Variants in PCDHGA10 observed in about 807,000 individuals in gnomAD.
PCDHGA10 encodes the protein protocadherin gamma-A10.
PCDHGA10 carries 42 observed loss-of-function variants against 59.5 expected under a neutral mutation model. The observed-to-expected ratio is 0.71, with a 90% CI of 0.55 to 0.91. The LOEUF (loss-of-function observed/expected upper bound fraction) is 0.91. Among genes scored for constraint, PCDHGA10 ranks in the 40% least tolerant of loss-of-function variants. PCDHGA10 has a pLI of 0.00. For synonymous variants in PCDHGA10, 511 were observed against 517.2 expected, an observed-to-expected ratio of 0.99 and a Z score of 0.16; for missense variants, 1,111 against 1,198.2, an observed-to-expected ratio of 0.93 and a Z score of 1.07.
intron 1 of PCDHGA10, among the ~76,000 whole-genome samples, chr5:141,444,942 A>C (rs1272061494): frequency 6.6e-6 from 1 of 152,082 alleles, no homozygotes; most frequent in Non-Finnish European, 1.5e-5. Flanking sequence ...AGGAGGGAGG[A>C]GGATCATCTT....
chr5:141,438,368 G>A (rs1216571092), intron 1 of PCDHGA10, among the ~76,000 whole-genome samples: 2 of 151,558 alleles, frequency 1.3e-5, no homozygotes, highest in African/African-American at 4.8e-5. Context: ...GTCATTGAGG[G>A]CAGATATAAT....
intron 1 of PCDHGA10, chr5:141,478,437 A>G (rs2099455876): frequency 6.2e-7 from 1 of 1,613,758 alleles, no homozygotes; most frequent in African/African-American, 1.3e-5. Flanking sequence ...CCGCTGCTGA[A>G]GAAACCTGGT....
chr5:141,489,470 T>C lies in PCDHGA10; in HGVS notation c.2437-5337T>C, dbSNP rs1030378524. 1 of 1,613,874 alleles carries C rather than the reference T, an allele frequency of 6.2e-7. No homozygotes were observed. The highest frequency in any genetic ancestry group is 8.5e-7 in the Non-Finnish European group (1 of 1,179,838). ...GAGGAGAATGGGCGCTATTTTTCCCTGAGCTTGATGAGTGGTGCCCTGGCA... is the reference window on the plus strand; with the variant it reads ...GAGGAGAATGGGCGCTATTTTTCCCCGAGCTTGATGAGTGGTGCCCTGGCA... On this transcript the variant is annotated intron_variant, in intron 1 of 3. Transcript: ENST00000398610. This position sits in a 1 kb window ranked among gnomAD's most constrained non-coding sequence, Gnocchi z 4.5.
chr5:141,495,900 G>A (rs1403705200), intron 2 of PCDHGA10, among the ~76,000 whole-genome samples: 2 of 151,894 alleles, frequency 1.3e-5, no homozygotes, highest in East Asian at 1.9e-4. Context: ...CTTTGTCTCT[G>A]TCTCTGTATA....
intron 1 of PCDHGA10, among the ~76,000 whole-genome samples, chr5:141,492,711 C>T (rs927567393): frequency 4.6e-5 from 7 of 152,254 alleles, no homozygotes; most frequent in East Asian, 3.8e-4. Flanking sequence ...AAGCCTCGAG[C>T]AGGCGGACAG....
chr5:141,477,080 A>C lies in PCDHGA10; in HGVS notation c.2437-17727A>C. 1 of 1,614,254 alleles carries C rather than the reference A, an allele frequency of 6.2e-7. No homozygotes were observed. ...GGACACCAAACTCCATGAGATTTAC[A>C]TCCAGGCCAAAGACAAGGGCGCCAA... On this transcript the variant is annotated intron_variant, in intron 1 of 3. Coordinates refer to ENST00000398610, the MANE Select transcript of PCDHGA10 (RefSeq NM_018913.3). This position sits in a 1 kb window ranked among gnomAD's most constrained non-coding sequence, Gnocchi z 4.9.
Position 141,486,657 on chromosome 5 carries a change from T to C in PCDHGA10, c.2437-8150T>C. Reference sequence around the variant, plus strand: ...AATGCGCTTATCTCCTACTCACTCCTGGAGCCCAGGAATCGAGATGTATCA... The same window carrying C: ...AATGCGCTTATCTCCTACTCACTCCCGGAGCCCAGGAATCGAGATGTATCA... On this transcript the variant is annotated intron_variant, in intron 1 of 3. Transcript: ENST00000398610. The surrounding 1 kb of genome is among the most constrained non-coding windows in gnomAD (Gnocchi z 5.0). The C allele has an allele frequency of 6.2e-7, 1 of 1,614,010 alleles. No individual in the cohort carries two copies. Among genetic ancestry groups the C allele is most frequent in the Non-Finnish European group, 8.5e-7 (1 of 1,180,030 alleles).
intron 2 of PCDHGA10, among the ~76,000 whole-genome samples, chr5:141,501,102 C>G (rs951290710): frequency 2.0e-5 from 3 of 152,014 alleles, no homozygotes; most frequent in African/African-American, 4.8e-5. Flanking sequence ...CTCTTGACCT[C>G]GTGATCCGCC....
At chr5:141,475,997 G>A in intron 1 of PCDHGA10, 2 of 1,184,406 alleles carry the variant, frequency 1.7e-6, no homozygotes, top group East Asian at 2.4e-5. Flanking sequence ...CAAATCAACG[G>A]CATCCAGAAA....
intron 1 of PCDHGA10, among the ~76,000 whole-genome samples, chr5:141,448,476 G>A (rs1002358317): frequency 1.3e-5 from 2 of 151,976 alleles, no homozygotes; most frequent in African/African-American, 4.8e-5. Flanking sequence ...TTCCACCCTT[G>A]CTTCCTCCTG....
chr5:141,428,186 C>CCGCTCTCTG, intron 1 of PCDHGA10: 2 of 1,460,956 alleles, frequency 1.4e-6, no homozygotes, highest in Non-Finnish European at 1.9e-6. Flanking sequence ...AGGACAGCCG[C>CCGCTCTCTG]CGCTCTCTGC....
chr5:141,461,864 C>T (rs911351082), intron 1 of PCDHGA10, among the ~76,000 whole-genome samples: 5 of 151,900 alleles, frequency 3.3e-5, no homozygotes, highest in African/African-American at 9.7e-5. Context: ...GCTCTTGTTG[C>T]CCAGGCTGGA....
rs1421246315 is a variant in PCDHGA10 at position 141,491,880 on chromosome 5, G to A, written c.2437-2927G>A. The A allele has an allele frequency of 1.1e-5, 16 of 1,449,714 alleles. No homozygotes were observed. The highest frequency in any genetic ancestry group is 1.5e-5 in the Non-Finnish European group (16 of 1,096,892). 89.8% of individuals were successfully genotyped at this position (1,449,714 alleles called of 1,614,324 possible). A position where few individuals can be genotyped will look rare whatever the true frequency, so the allele number is the denominator to read the frequency against. ...GCGAAACCAGAGTGGCCGATTAAGGGATGGGGCTCCGAGCACCGGGGGTGG... is the reference window on the plus strand; with the variant it reads ...GCGAAACCAGAGTGGCCGATTAAGGAATGGGGCTCCGAGCACCGGGGGTGG... On this transcript the variant is annotated intron_variant, in intron 1 of 3. Coordinates refer to ENST00000398610, the MANE Select transcript of PCDHGA10 (RefSeq NM_018913.3). The surrounding 1 kb of genome is among the most constrained non-coding windows in gnomAD (Gnocchi z 6.9).
rs767337670 is a variant in PCDHGA10 at position 141,433,083 on chromosome 5, A to G, written c.2436+17472A>G. 8.1e-6 allele frequency: 13 copies of G among 1,614,174 alleles called. 1 individual carries two copies. Among genetic ancestry groups the G allele is most frequent in the Non-Finnish European group, 9.3e-6 (11 of 1,180,024 alleles). ...CACCTGATCTTCCCCCAGCCCAACT[A>G]TGCAGACATGCTCGTCAGCCAGGAG... On this transcript the variant is annotated intron_variant, in intron 1 of 3. Coordinates refer to ENST00000398610, the MANE Select transcript of PCDHGA10 (RefSeq NM_018913.3).
At chr5:141,510,828 C>T in intron 3 of PCDHGA10, 119 bp from the exon 4 acceptor site, 18 of 1,572,154 alleles carry the variant, frequency 1.1e-5, no homozygotes, top group Non-Finnish European at 1.6e-5. Context: ...ATTCCCAGTG[C>T]TCAGCGTGGT....
At chr5:141,484,880 T>G (rs1258072805) in intron 1 of PCDHGA10, 3 of 336,846 alleles carry the variant, frequency 8.9e-6, no homozygotes, top group Admixed American at 9.2e-5. Flanking sequence ...GAGGATAGGG[T>G]GGGCTTTTTC....
chr5:141,448,145 A>G (rs2098568457), intron 1 of PCDHGA10, among the ~76,000 whole-genome samples: 1 of 151,716 alleles, frequency 6.6e-6, no homozygotes, highest in South Asian at 2.1e-4. Flanking sequence ...TATACCTCAG[A>G]CTCACCCCTG....
At chr5:141,421,875 A>C (rs1345376105) in intron 1 of PCDHGA10, 2 of 1,613,648 alleles carry the variant, frequency 1.2e-6, no homozygotes, top group South Asian at 2.2e-5. Flanking sequence ...TCACAGCTTT[A>C]GATGGAGGCG....
rs1225025591 is a variant in PCDHGA10 at position 141,493,316 on chromosome 5, T to G, written c.2437-1491T>G. Among the ~76,000 whole-genome samples, 2 of 152,198 alleles carry G rather than the reference T, an allele frequency of 1.3e-5. No homozygotes were observed. The highest frequency in any genetic ancestry group is 2.1e-4 in the South Asian group (1 of 4,826). Reference sequence around the variant, plus strand: ...AGTTCACAGAGCAAGTAAGAGAGATTCTAACCCCTGTCTAACTCCAGAATG... The same window carrying G: ...AGTTCACAGAGCAAGTAAGAGAGATGCTAACCCCTGTCTAACTCCAGAATG... On this transcript the variant is annotated intron_variant, in intron 1 of 3. Coordinates refer to ENST00000398610, the MANE Select transcript of PCDHGA10 (RefSeq NM_018913.3). This position sits in a 1 kb window ranked among gnomAD's most constrained non-coding sequence, Gnocchi z 4.3.
Sources: gnomAD v4.1 joint callset for allele counts (sites outside exome capture counted in the v4.1 genomes callset) on GRCh38, gnomAD v4.1.1 for gene constraint, Gnocchi (gnomAD v3.1) non-coding constraint, MANE v1.5 for transcripts, NCBI Gene and HGNC (gene_info 2026-07-23, HGNC 2026-07-21) for gene names.